NALF1: variants seen among roughly 807,000 people sequenced by gnomAD.
NALF1 encodes the protein family with sequence similarity 155 member A.
NALF1 carries 3 observed loss-of-function variants against 48.4 expected under a neutral mutation model. The observed-to-expected ratio is 0.06, with a 90% CI of 0.03 to 0.16. The LOEUF (loss-of-function observed/expected upper bound fraction) is 0.16. Ranked by LOEUF, NALF1 falls within the 10% of genes least tolerant of loss-of-function variation. The pLI is 1.00. For synonymous variants in NALF1, 262 were observed against 245.7 expected (o/e 1.07, Z -0.62); for missense variants, 526 against 571.5 (o/e 0.92, Z 0.81).
At chr13:107,498,405 G>T (rs1421553870) in intron 1 of NALF1, among the ~76,000 whole-genome samples, 1 of 152,146 alleles carries the variant, frequency 6.6e-6, no homozygotes, top group Non-Finnish European at 1.5e-5. Context: ...GAAAGCCCTG[G>T]AGATGTCTGC....
At chr13:107,323,393 A>G (rs1372502518) in intron 1 of NALF1, among the ~76,000 whole-genome samples, 2 of 152,160 alleles carry the variant, frequency 1.3e-5, no homozygotes, top group East Asian at 3.9e-4. Flanking sequence ...ATTCAACTGC[A>G]CTGTTCAATT....
chr13:107,499,870 T>G (rs963191773), intron 1 of NALF1, among the ~76,000 whole-genome samples: 2 of 152,186 alleles, frequency 1.3e-5, no homozygotes, highest in African/African-American at 4.8e-5. Flanking sequence ...GTACAATTTT[T>G]ATTTGTTATT....
chr13:107,600,712 C>T (rs915699133), intron 1 of NALF1, among the ~76,000 whole-genome samples: 6 of 152,088 alleles, frequency 3.9e-5, no homozygotes, highest in African/African-American at 1.4e-4. Context: ...CAGAAACATA[C>T]AGGTGAATAA....
At chr13:107,281,274 C>T (rs1182576836) in intron 1 of NALF1, among the ~76,000 whole-genome samples, 1 of 152,056 alleles carries the variant, frequency 6.6e-6, no homozygotes, top group South Asian at 2.1e-4. Flanking sequence ...ATGATAAGTC[C>T]CATATGAGCA....
chr13:107,350,195 G>T (rs1882848850), intron 1 of NALF1, among the ~76,000 whole-genome samples: 1 of 152,156 alleles, frequency 6.6e-6, no homozygotes. Context: ...GAGGGTTGGG[G>T]ACCCCTGCTG....
At chr13:107,705,599 T>A (rs1881930007) in intron 1 of NALF1, among the ~76,000 whole-genome samples, 1 of 152,070 alleles carries the variant, frequency 6.6e-6, no homozygotes, top group South Asian at 2.1e-4. Flanking sequence ...GATTTGTCAT[T>A]GATCACAAGA....
intron 1 of NALF1, among the ~76,000 whole-genome samples, chr13:107,796,063 G>A (rs1878416334): frequency 6.6e-6 from 1 of 152,112 alleles, no homozygotes; most frequent in Non-Finnish European, 1.5e-5. Flanking sequence ...ATCAAATATT[G>A]ATGGTTAAGG....
chr13:107,467,597 A>T (rs1885025675), intron 1 of NALF1, among the ~76,000 whole-genome samples: 1 of 152,220 alleles, frequency 6.6e-6, no homozygotes, highest in African/African-American at 2.4e-5. Context: ...ATTTTTTATG[A>T]TTAATAAAAA....
At chr13:107,816,464 A>C (rs1207799379) in intron 1 of NALF1, among the ~76,000 whole-genome samples, 2 of 152,172 alleles carry the variant, frequency 1.3e-5, no homozygotes, top group Non-Finnish European at 2.9e-5. Context: ...GAAACCCCTT[A>C]TAAAACCATA....
intron 1 of NALF1, among the ~76,000 whole-genome samples, chr13:107,447,760 C>T (rs1036725554): frequency 4.6e-5 from 7 of 152,246 alleles, no homozygotes; most frequent in Non-Finnish European, 8.8e-5. Context: ...CTCTCCTGCA[C>T]GACGCCAGAC....
chr13:107,643,660 T>TTTTA (rs146584614), intron 1 of NALF1, among the ~76,000 whole-genome samples: 5,079 of 152,124 alleles, frequency 0.033, 97 homozygotes, highest in South Asian at 0.066. Flanking sequence ...TTCTTAATGG[T>TTTTA]TTTTTAGTTT....
Position 107,281,008 on chromosome 13 carries a change from A to G in NALF1, c.916-70253T>C, listed in dbSNP as rs140819486. Among the ~76,000 whole-genome samples, 102 of 152,348 alleles carry G rather than the reference A, an allele frequency of 6.7e-4. 1 individual carries two copies. In the East Asian group the frequency reaches 0.018, roughly 28 times the overall value. On this transcript the variant is annotated intron_variant, in intron 1 of 2. Transcript: ENST00000375915. ...ATGAAATAAACTATGATGCATGTCT[A>G]TCTTTTTATATGTCCATAGCACATG...
intron 1 of NALF1, among the ~76,000 whole-genome samples, chr13:107,846,019 CT>C (rs2138638477): frequency 6.6e-6 from 1 of 151,832 alleles, no homozygotes; most frequent in South Asian, 2.1e-4. Context: ...AAGCAAAGCC[CT>C]GAAATGTACA....
intron 1 of NALF1, among the ~76,000 whole-genome samples, chr13:107,355,511 G>C (rs1189683588): frequency 6.6e-6 from 1 of 152,090 alleles, no homozygotes; most frequent in African/African-American, 2.4e-5. Flanking sequence ...CATTACAATA[G>C]AATTGTAGTT....
chr13:107,653,637 G>A (rs547959148), intron 1 of NALF1, among the ~76,000 whole-genome samples: 31 of 151,590 alleles, frequency 2.0e-4, no homozygotes, highest in African/African-American at 6.5e-4. Context: ...CTTCTACCAC[G>A]GTGCACAAAA....
chr13:107,485,704 C>T (rs903563980), intron 1 of NALF1, among the ~76,000 whole-genome samples: 1 of 152,158 alleles, frequency 6.6e-6, no homozygotes, highest in Non-Finnish European at 1.5e-5. Flanking sequence ...ATTTGCTCTA[C>T]AAGAAATATA....
intron 1 of NALF1, among the ~76,000 whole-genome samples, chr13:107,224,755 A>G: frequency 6.6e-6 from 1 of 152,154 alleles, no homozygotes; most frequent in East Asian, 1.9e-4. Flanking sequence ...TGATTGTGAT[A>G]CAAATTGCAC....
intron 1 of NALF1, among the ~76,000 whole-genome samples, chr13:107,612,879 T>C (rs1358225093): frequency 6.6e-6 from 1 of 152,104 alleles, no homozygotes; most frequent in East Asian, 1.9e-4. Flanking sequence ...ACTATTTGTC[T>C]ATCTAACTAT....
At chr13:107,637,555 C>T (rs1017152556) in intron 1 of NALF1, among the ~76,000 whole-genome samples, 2 of 152,158 alleles carry the variant, frequency 1.3e-5, no homozygotes, top group Admixed American at 6.5e-5. Flanking sequence ...TCTCAGTCAA[C>T]GAACACTGCT....
Sources: allele counts gnomAD v4.1 joint callset (sites outside exome capture counted in the v4.1 genomes callset), GRCh38; gene constraint gnomAD v4.1.1; transcripts MANE v1.5; gene names NCBI Gene and HGNC (gene_info 2026-07-23, HGNC 2026-07-21).